The following CNTNAP5 variants were observed in gnomAD, a reference collection of about 807,000 sequenced individuals.
CNTNAP5 encodes the protein contactin-associated protein-like 5.
Under a neutral mutation model 150.2 loss-of-function variants are expected in CNTNAP5, and 72 were observed. The observed-to-expected ratio is 0.48, with a 90% CI of 0.40 to 0.58. The LOEUF is 0.58. Among genes scored for constraint, CNTNAP5 ranks in the 20% least tolerant of loss-of-function variants. The probability of loss-of-function intolerance (pLI) is 0.00; values close to 1 mark genes in which losing one functional copy is unlikely to be tolerated. For missense variants in CNTNAP5, 1,636 were observed against 1,626.2 expected (o/e 1.01, Z -0.10); for synonymous variants, 672 against 619.8 (o/e 1.08, Z -1.25).
intron 1 of CNTNAP5, among the ~76,000 whole-genome samples, chr2:124,052,842 G>C (rs929569493): frequency 6.6e-6 from 1 of 152,298 alleles, no homozygotes; most frequent in Non-Finnish European, 1.5e-5. Context: ...ACTCTTGGCA[G>C]TTCCCTGCCC....
At chr2:124,252,516 A>G (rs960311590) in intron 3 of CNTNAP5, among the ~76,000 whole-genome samples, 1 of 152,130 alleles carries the variant, frequency 6.6e-6, no homozygotes, top group Non-Finnish European at 1.5e-5. Flanking sequence ...TGGCAGCTCA[A>G]AAAGCCCTTG....
chr2:124,786,340 A>AAAGAAAGG (rs1558774915), intron 17 of CNTNAP5, among the ~76,000 whole-genome samples: 1 of 116,864 alleles, frequency 8.6e-6, no homozygotes, highest in Non-Finnish European at 1.7e-5. Flanking sequence ...AAAGAGAAAG[A>AAAGAAAGG]AAGAAAGAAA....
rs139273637 is a variant in CNTNAP5, at chr2:124,046,404, C to T, written c.82+20672C>T. 6.1e-3 allele frequency among the ~76,000 whole-genome samples: 905 copies of T among 149,186 alleles called. 12 individuals carry two copies. The highest frequency in any genetic ancestry group is 0.02 in the African/African-American group (829 of 40,456). On this transcript the variant is annotated intron_variant, in intron 1 of 23. Transcript: ENST00000682447. ...GCCTTTCCCTTTGTCCTTTCCTCCA[C>T]CTCCCCTGAGATCTGCTCACAAAAG...
chr2:124,175,780 G>A (rs1685050457), intron 1 of CNTNAP5, among the ~76,000 whole-genome samples: 1 of 152,112 alleles, frequency 6.6e-6, no homozygotes, highest in South Asian at 2.1e-4. Context: ...TTTTATGGCT[G>A]CAAAATATTC....
At chr2:124,588,142 C>A (rs1199650129) in intron 11 of CNTNAP5, among the ~76,000 whole-genome samples, 6 of 138,396 alleles carry the variant, frequency 4.3e-5, no homozygotes, top group Non-Finnish European at 6.4e-5. Context: ...TTCCTTCCTT[C>A]CTTCCTTCCT....
At position 124,057,282 on chromosome 2, in the gene CNTNAP5, A is replaced by AT. The variant is rs560714964; in HGVS notation, c.82+31567dup. Among the ~76,000 whole-genome samples, 415 of 125,688 alleles carry AT rather than the reference A, an allele frequency of 3.3e-3. 5 individuals are homozygous for AT. The highest frequency in any genetic ancestry group is 0.01 in the South Asian group (38 of 3,734). The allele number at this position is 125,688 out of a possible 152,430, so 82.5% of individuals were successfully genotyped here. On this transcript the variant is annotated intron_variant, in intron 1 of 23. Coordinates refer to ENST00000682447, the MANE Select transcript of CNTNAP5 (RefSeq NM_001367498.1). ...CTACATCGAATAAATTAACAAGTCC[A>AT]TTTTTTTTTTTTTTTTTGAGGTGGA...
chr2:124,904,566 T>C (rs1290075765), intron 22 of CNTNAP5, among the ~76,000 whole-genome samples: 1 of 151,690 alleles, frequency 6.6e-6, no homozygotes, highest in Non-Finnish European at 1.5e-5. Flanking sequence ...AAGCCAGAAA[T>C]AAACCCAGGC....
chr2:124,462,718 G>A (rs1264025487), intron 6 of CNTNAP5, among the ~76,000 whole-genome samples: 1 of 152,186 alleles, frequency 6.6e-6, no homozygotes, highest in Non-Finnish European at 1.5e-5. Flanking sequence ...TAGGGTGTTT[G>A]TAAGCCTGAG....
chr2:124,210,587 G>T (rs150341511), intron 1 of CNTNAP5, among the ~76,000 whole-genome samples: 2 of 151,906 alleles, frequency 1.3e-5, no homozygotes, highest in Non-Finnish European at 2.9e-5. Flanking sequence ...TCCCCTGATT[G>T]GGTCTTGTTA....
intron 1 of CNTNAP5, among the ~76,000 whole-genome samples, chr2:124,057,710 A>G (rs1681894383): frequency 6.6e-6 from 1 of 151,712 alleles, no homozygotes; most frequent in Admixed American, 6.6e-5. Flanking sequence ...TTACTTTACC[A>G]GAATGAATCT....
At chr2:124,569,906 T>C (rs1696113614) in intron 11 of CNTNAP5, among the ~76,000 whole-genome samples, 1 of 152,230 alleles carries the variant, frequency 6.6e-6, no homozygotes, top group African/African-American at 2.4e-5. Flanking sequence ...GTCCTTTGAC[T>C]GCATGTAGTT....
At chr2:124,182,943 C>G (rs902194221) in intron 1 of CNTNAP5, among the ~76,000 whole-genome samples, 1 of 152,152 alleles carries the variant, frequency 6.6e-6, no homozygotes, top group Non-Finnish European at 1.5e-5. Flanking sequence ...TACCAAGGAG[C>G]CTCTGCTTAT....
At chr2:124,832,833 ACT>A (rs1682744171) in intron 19 of CNTNAP5, among the ~76,000 whole-genome samples, 1 of 151,848 alleles carries the variant, frequency 6.6e-6, no homozygotes, top group Non-Finnish European at 1.5e-5. Context: ...AACTTAAAAG[ACT>A]CTGCAGGTTA....
At position 124,060,013 on chromosome 2, in the gene CNTNAP5, G is replaced by A. The variant is rs1168747249; in HGVS notation, c.82+34281G>A. Among the ~76,000 whole-genome samples the A allele has an allele frequency of 2.0e-5, 3 of 152,124 alleles. No homozygotes were observed. The East Asian group carries it at 5.8e-4, about 29-fold the overall frequency. The stretch of plus-strand genomic sequence containing the variant: ...AAAATACTTCAAATATTTTCCAACT[G>A]TAATAGTCGATGATTTGTAAGATGT... On this transcript the variant is annotated intron_variant, in intron 1 of 23. Transcript: ENST00000682447.
intron 1 of CNTNAP5, among the ~76,000 whole-genome samples, chr2:124,044,438 T>A (rs573625206): frequency 6.6e-6 from 1 of 152,212 alleles, no homozygotes; most frequent in Admixed American, 6.5e-5. Context: ...AGTTTGTCAA[T>A]ATATCATTCT....
At chr2:124,283,738 G>A (rs1256497577) in intron 3 of CNTNAP5, among the ~76,000 whole-genome samples, 6 of 152,164 alleles carry the variant, frequency 3.9e-5, no homozygotes, top group Non-Finnish European at 5.9e-5. Context: ...CTAGAGATCT[G>A]GAAGTCTAAG....
intron 1 of CNTNAP5, among the ~76,000 whole-genome samples, chr2:124,117,345 C>T (rs1046272869): frequency 1.3e-5 from 2 of 152,144 alleles, no homozygotes; most frequent in African/African-American, 4.8e-5. Context: ...TTACTTGTCT[C>T]ACTTAGCACA....
intron 1 of CNTNAP5, among the ~76,000 whole-genome samples, chr2:124,132,097 G>C (rs1379063592): frequency 2.0e-5 from 3 of 152,104 alleles, no homozygotes; most frequent in Non-Finnish European, 4.4e-5. Context: ...TTCTGCTTTG[G>C]CAGGAAGAAA....
chr2:124,911,487 G>A lies in CNTNAP5; in HGVS notation c.3676G>A (p.Glu1226Lys). ...TTCAGATCCTTTTGGGAAGACAGAT[G>A]AGCGGGAACCACTCACAAATGCTGT... ...SSSDPFGKTDEREPLTNAVRS... is the reference protein window; with the variant it reads ...SSSDPFGKTDKREPLTNAVRS... The change falls in exon 23 of 24, where the codon GAG becomes AAG. Residue 1226 changes from glutamate to lysine, a missense_variant. Glu to Lys is a moderately conservative substitution (Grantham distance 56, BLOSUM62 1). Transcript: ENST00000682447. The A allele has an allele frequency of 6.2e-7, 1 of 1,601,078 alleles. No individual in the cohort carries two copies. The highest frequency in any genetic ancestry group is 1.3e-5 in the African/African-American group (1 of 74,796).
Sources: gnomAD v4.1 joint callset for allele counts (sites outside exome capture counted in the v4.1 genomes callset) on GRCh38, gnomAD v4.1.1 for gene constraint, MANE v1.5 for transcripts, NCBI Gene and HGNC (gene_info 2026-07-23, HGNC 2026-07-21) for gene names.